NRCAM: variants seen among roughly 807,000 people sequenced by gnomAD.
NRCAM encodes the protein NgCAM-related cell adhesion molecule.
Under a neutral mutation model 156.5 loss-of-function variants are expected in NRCAM, and 83 were observed. The observed-to-expected ratio is 0.53, with a 90% confidence interval of 0.44 to 0.64. The LOEUF is 0.64. Among genes scored for constraint, NRCAM ranks in the 30% least tolerant of loss-of-function variants. The pLI is 0.00. For missense variants in NRCAM, 1,417 were observed against 1,597.3 expected (o/e 0.89, Z 1.92); for synonymous variants, 538 against 563.9 (o/e 0.95, Z 0.65).
intron 3 of NRCAM, among the ~76,000 whole-genome samples, chr7:108,297,483 T>A (rs1245473518): frequency 1.3e-5 from 2 of 152,230 alleles, no homozygotes; most frequent in Non-Finnish European, 2.9e-5. Flanking sequence ...GACAAAGGGA[T>A]GAAACTTTCA....
chr7:108,257,888 G>A (rs1185422239), intron 3 of NRCAM, among the ~76,000 whole-genome samples: 5 of 151,896 alleles, frequency 3.3e-5, no homozygotes, highest in Admixed American at 2.6e-4. Context: ...AGATGAGAGC[G>A]TTCACACCCT....
chr7:108,265,207 T>C (rs1158840643), intron 3 of NRCAM, among the ~76,000 whole-genome samples: 2 of 152,208 alleles, frequency 1.3e-5, no homozygotes, highest in African/African-American at 2.4e-5. Context: ...CCTTTATCGT[T>C]TGTAGGGACC....
At chr7:108,362,428 C>T (rs1004031553) in intron 2 of NRCAM, among the ~76,000 whole-genome samples, 3 of 152,092 alleles carry the variant, frequency 2.0e-5, no homozygotes, top group African/African-American at 7.2e-5. Context: ...GAATGGGTAA[C>T]CAAATTGCTG....
chr7:108,330,773 G>A (rs1429699866), intron 2 of NRCAM, among the ~76,000 whole-genome samples: 1 of 152,134 alleles, frequency 6.6e-6, no homozygotes, highest in Non-Finnish European at 1.5e-5. Flanking sequence ...GTAATTTGGG[G>A]TATCTCATTT....
At chr7:108,286,427 G>C (rs906786633) in intron 3 of NRCAM, among the ~76,000 whole-genome samples, 7 of 150,822 alleles carry the variant, frequency 4.6e-5, no homozygotes, top group Admixed American at 4.0e-4. Flanking sequence ...TCACTGGAAT[G>C]AACAAATAAA....
At chr7:108,407,741 T>C (rs1280812481) in intron 1 of NRCAM, among the ~76,000 whole-genome samples, 2 of 152,248 alleles carry the variant, frequency 1.3e-5, no homozygotes, top group African/African-American at 4.8e-5. Flanking sequence ...TCACCTGAGC[T>C]GGTTTTAAAA....
rs112371041 is a variant in NRCAM at position 108,319,036 on chromosome 7, T to C, written c.-173-6305A>G. Among the ~76,000 whole-genome samples, 99 of 152,364 alleles carry C rather than the reference T, an allele frequency of 6.5e-4. 1 individual carries two copies. Among genetic ancestry groups the C allele is most frequent in the African/African-American group, 2.4e-3 (98 of 41,588 alleles). On this transcript the variant is annotated intron_variant, in intron 2 of 32. Transcript: ENST00000379028. ...GGTATTGAGGTTCAATCTGGGATGA[T>C]GAAAACATTTTCTAAGATGGATATG...
intron 1 of NRCAM, among the ~76,000 whole-genome samples, chr7:108,407,516 C>T (rs940050377): frequency 2.0e-5 from 3 of 152,268 alleles, no homozygotes; most frequent in Middle Eastern, 3.4e-3. Context: ...TATTTCAGGC[C>T]AAGTACCTGC....
chr7:108,244,666 A>T lies in NRCAM; in HGVS notation c.-106-4496T>A, dbSNP rs1196256775. ...CCGGGATAATAGGACTATAGAGATGATAATGATCAAACAAGACAAACTGTG... is the reference window on the plus strand; with the variant it reads ...CCGGGATAATAGGACTATAGAGATGTTAATGATCAAACAAGACAAACTGTG... On this transcript the variant is annotated intron_variant, in intron 3 of 32. Coordinates refer to ENST00000379028, the MANE Select transcript of NRCAM (RefSeq NM_001037132.4). Among the ~76,000 whole-genome samples the T allele has an allele frequency of 2.0e-5, 3 of 152,216 alleles. No homozygotes were observed. In the East Asian group the frequency reaches 5.8e-4, roughly 29 times the overall value.
intron 11 of NRCAM, among the ~76,000 whole-genome samples, chr7:108,221,095 A>G (rs1167508595): frequency 6.6e-6 from 1 of 152,226 alleles, no homozygotes; most frequent in Non-Finnish European, 1.5e-5. Context: ...AACATGAAAA[A>G]ATGCTCAACA....
chr7:108,283,696 T>C (rs2097949612), intron 3 of NRCAM, among the ~76,000 whole-genome samples: 1 of 152,202 alleles, frequency 6.6e-6, no homozygotes, highest in African/African-American at 2.4e-5. Flanking sequence ...TGTGGCACTG[T>C]TGACCCCTTG....
intron 9 of NRCAM, among the ~76,000 whole-genome samples, 186 bp from the exon 10 acceptor site, chr7:108,225,887 G>A (rs1378202911): frequency 6.6e-6 from 1 of 152,184 alleles, no homozygotes; most frequent in East Asian, 1.9e-4. Context: ...CCAGGAATAT[G>A]CAGACATTTA....
In NRCAM at chr7:108,166,906, T is replaced by C. The variant is rs779114099; in HGVS notation, c.3466+15A>G. The C allele has an allele frequency of 2.0e-4, 318 of 1,612,542 alleles. 4 individuals are homozygous for C. The Admixed American group carries it at 3.8e-3, about 19-fold the overall frequency. On this transcript the variant is annotated intron_variant, in intron 30 of 32. Transcript: ENST00000379028. ...CTCTGAGCGGGAGCCAGAACAGGTG[T>C]GGTGTGAGCCTCACCTGGGCCTGTC... is the stretch of plus-strand genomic sequence containing the variant.
In NRCAM at chr7:108,303,150, T is replaced by C. The variant is rs542622381; in HGVS notation, c.-107+9515A>G. ...GTAATTTTTATATTTTTAGTAGAGA[T>C]GGGGTTTCACCATGTTGGCCAGGCT... is the stretch of plus-strand genomic sequence containing the variant. On this transcript the variant is annotated intron_variant, in intron 3 of 32. Transcript: ENST00000379028. Among the ~76,000 whole-genome samples, 7 of 152,050 alleles carry C rather than the reference T, an allele frequency of 4.6e-5. No individual in the cohort carries two copies. The South Asian group carries it at 1.5e-3, about 32-fold the overall frequency.
At chr7:108,228,178 C>T (rs1429401462) in intron 8 of NRCAM, among the ~76,000 whole-genome samples, 2 of 151,980 alleles carry the variant, frequency 1.3e-5, no homozygotes, top group Non-Finnish European at 2.9e-5. Flanking sequence ...GAAAATTAGC[C>T]AGGCGTGGTG....
chr7:108,419,202 A>G (rs1324580806), intron 1 of NRCAM, among the ~76,000 whole-genome samples: 1 of 152,156 alleles, frequency 6.6e-6, no homozygotes, highest in Non-Finnish European at 1.5e-5. Context: ...TATTCCTACA[A>G]TATGCTTCTC....
chr7:108,262,206 G>A (rs1292722955), intron 3 of NRCAM, among the ~76,000 whole-genome samples: 8 of 152,012 alleles, frequency 5.3e-5, no homozygotes, highest in African/African-American at 1.9e-4. Flanking sequence ...GTCTTAGATT[G>A]GGTTTGCAAA....
chr7:108,433,553 G>C (rs1828383600), intron 1 of NRCAM, among the ~76,000 whole-genome samples: 1 of 152,208 alleles, frequency 6.6e-6, no homozygotes, highest in Non-Finnish European at 1.5e-5. Context: ...CACAGGGGCA[G>C]ATCTCTAGTG....
chr7:108,214,348 T>C (rs2086583836), intron 11 of NRCAM, among the ~76,000 whole-genome samples: 1 of 152,222 alleles, frequency 6.6e-6, no homozygotes, highest in African/African-American at 2.4e-5. Context: ...TCCAGGAATT[T>C]ATCCATCTCT....
Sources: gnomAD v4.1 joint callset for allele counts (sites outside exome capture counted in the v4.1 genomes callset) on GRCh38, gnomAD v4.1.1 for gene constraint, MANE v1.5 for transcripts, NCBI Gene and HGNC (gene_info 2026-07-23, HGNC 2026-07-21) for gene names.